MAPK10: variants seen among roughly 807,000 people sequenced by gnomAD.
The protein encoded by MAPK10 is mitogen-activated protein kinase 10.
In MAPK10, 25 loss-of-function variants were observed where a neutral mutation model predicts 59.3. That is an observed-to-expected ratio of 0.42 (90% CI 0.31 to 0.59). The LOEUF is 0.59. Ranked by LOEUF, MAPK10 falls within the 20% of genes least tolerant of loss-of-function variation. The probability of loss-of-function intolerance (pLI) is 0.15; values close to 1 mark genes in which losing one functional copy is unlikely to be tolerated. For synonymous variants in MAPK10, 190 were observed against 200.5 expected (o/e 0.95, Z 0.44); for missense variants, 351 against 568.9 (o/e 0.62, Z 3.90).
chr4:86,097,607 A>C (rs1463254112), intron 9 of MAPK10, among the ~76,000 whole-genome samples: 1 of 152,086 alleles, frequency 6.6e-6, no homozygotes, highest in East Asian at 1.9e-4. Context: ...TAAAGTTGTC[A>C]ATGGTGATTG....
chr4:86,150,363 G>A (rs2066106452), intron 4 of MAPK10, among the ~76,000 whole-genome samples: 1 of 152,170 alleles, frequency 6.6e-6, no homozygotes, highest in African/African-American at 2.4e-5. Flanking sequence ...CACCACTTGG[G>A]TGATGGGTGC....
At chr4:86,317,657 G>A (rs746546788) in intron 2 of MAPK10, among the ~76,000 whole-genome samples, 2 of 152,122 alleles carry the variant, frequency 1.3e-5, no homozygotes, top group Non-Finnish European at 2.9e-5. Context: ...GTGAGCAGGT[G>A]CTAAATACTC....
intron 1 of MAPK10, among the ~76,000 whole-genome samples, chr4:86,572,577 TTACTTATAAAA>T (rs370964420): frequency 2.6e-4 from 40 of 152,296 alleles, no homozygotes; most frequent in African/African-American, 9.4e-4. Flanking sequence ...CCAACAGGCC[TTACTTATAAAA>T]TACAGGTTTC....
intron 1 of MAPK10, among the ~76,000 whole-genome samples, chr4:86,471,356 C>T (rs1752651560): frequency 1.3e-5 from 2 of 149,986 alleles, no homozygotes; most frequent in Admixed American, 6.6e-5. Context: ...GAGAAATTAT[C>T]ATTAAGGAAA....
At chr4:86,555,201 A>G (rs1760163346) in intron 1 of MAPK10, among the ~76,000 whole-genome samples, 1 of 152,072 alleles carries the variant, frequency 6.6e-6, no homozygotes, top group African/African-American at 2.4e-5. Flanking sequence ...TAATCCTAGC[A>G]CTTTGGGAGG....
At chr4:86,112,614 G>A (rs1196355167) in intron 4 of MAPK10, among the ~76,000 whole-genome samples, 1 of 152,168 alleles carries the variant, frequency 6.6e-6, no homozygotes, top group East Asian at 1.9e-4. Context: ...TGCATTTGGT[G>A]AGGAGTGTTT....
chr4:86,520,670 T>C (rs967746872), intron 1 of MAPK10, among the ~76,000 whole-genome samples: 1 of 152,208 alleles, frequency 6.6e-6, no homozygotes, highest in African/African-American at 2.4e-5. Context: ...TGCGATCTTT[T>C]GGGGGTGTGA....
intron 1 of MAPK10, among the ~76,000 whole-genome samples, chr4:86,506,406 A>C (rs1390006131): frequency 6.6e-6 from 1 of 152,150 alleles, no homozygotes; most frequent in Non-Finnish European, 1.5e-5. Flanking sequence ...AACATCCCCA[A>C]GTAGCTTATT....
At chr4:86,285,001 C>T (rs1303050392) in intron 2 of MAPK10, among the ~76,000 whole-genome samples, 1 of 152,148 alleles carries the variant, frequency 6.6e-6, no homozygotes, top group Non-Finnish European at 1.5e-5. Flanking sequence ...TTTACATGGC[C>T]TTTCAATGAA....
chr4:86,350,155 G>A (rs1456557427), intron 2 of MAPK10, among the ~76,000 whole-genome samples: 1 of 151,998 alleles, frequency 6.6e-6, no homozygotes, highest in South Asian at 2.1e-4. Flanking sequence ...AGGTTCAAGC[G>A]ATTCTCCTGC....
At chr4:86,363,344 T>C (rs2148986523), upstream of MAPK10, among the ~76,000 whole-genome samples, 1 of 152,274 alleles carries the variant, frequency 6.6e-6, no homozygotes, top group South Asian at 2.1e-4. Context: ...GGAGAGGTTG[T>C]TCCTGGAACC....
At chr4:86,494,482 T>C (rs1754713075) in intron 1 of MAPK10, among the ~76,000 whole-genome samples, 1 of 152,118 alleles carries the variant, frequency 6.6e-6, no homozygotes, top group South Asian at 2.1e-4. Context: ...ACTTAAAACC[T>C]GGAGCTAAGG....
chr4:86,154,526 A>G (rs1455616869), intron 4 of MAPK10, among the ~76,000 whole-genome samples: 1 of 152,148 alleles, frequency 6.6e-6, no homozygotes, highest in Non-Finnish European at 1.5e-5. Context: ...CCTAGGTTAC[A>G]TGTGCTGACC....
chr4:86,241,030 G>A lies in MAPK10; in HGVS notation c.-6-46623C>T, dbSNP rs199563878. Among the ~76,000 whole-genome samples the A allele has an allele frequency of 1.9e-4, 29 of 152,222 alleles. No individual in the cohort carries two copies. In the East Asian group the frequency reaches 4.4e-3, roughly 23 times the overall value. On this transcript the variant is annotated intron_variant, in intron 2 of 13. Transcript: ENST00000641462. Reference sequence around the variant, plus strand: ...TCAGGAGCTCTTGCAGGGCAGGCCTGGTGGTAATAAAATCCCTCAGCATTT... The same window carrying A: ...TCAGGAGCTCTTGCAGGGCAGGCCTAGTGGTAATAAAATCCCTCAGCATTT...
At chr4:86,061,112 T>A (rs561760286) in intron 11 of MAPK10, among the ~76,000 whole-genome samples, 70 of 152,310 alleles carry the variant, frequency 4.6e-4, no homozygotes, top group Middle Eastern at 3.4e-3. Context: ...AAAGGAGAAC[T>A]TTCTTAGTTT....
intron 1 of MAPK10, among the ~76,000 whole-genome samples, chr4:86,491,365 A>G (rs1458814027): frequency 6.6e-6 from 1 of 152,118 alleles, no homozygotes; most frequent in Non-Finnish European, 1.5e-5. Context: ...TCAGGATTAG[A>G]TCCTGCCAGG....
chr4:86,338,258 C>T (rs1043335461), intron 2 of MAPK10, among the ~76,000 whole-genome samples: 9 of 152,174 alleles, frequency 5.9e-5, no homozygotes, highest in Non-Finnish European at 1.2e-4. Flanking sequence ...GCATCTAGGT[C>T]GTTGTCCAAA....
chr4:86,294,988 AG>A (rs150948301), intron 2 of MAPK10, among the ~76,000 whole-genome samples: 3,592 of 152,276 alleles, frequency 0.024, 142 homozygotes, highest in African/African-American at 0.083. Context: ...CCGGTGATAC[AG>A]GGAACTTGCT....
chr4:86,482,805 T>C (rs950599738), intron 1 of MAPK10, among the ~76,000 whole-genome samples: 3 of 152,196 alleles, frequency 2.0e-5, no homozygotes, highest in African/African-American at 7.2e-5. Flanking sequence ...AGGTTATGGC[T>C]AATGAAAAAT....
Sources: gnomAD v4.1 joint callset for allele counts (sites outside exome capture counted in the v4.1 genomes callset) on GRCh38, gnomAD v4.1.1 for gene constraint, MANE v1.5 for transcripts, NCBI Gene and HGNC (gene_info 2026-07-23, HGNC 2026-07-21) for gene names.